PTBP1: variants seen among roughly 807,000 people sequenced by gnomAD.
The protein encoded by PTBP1 is polypyrimidine tract binding protein 1, also known as polypyrimidine tract-binding protein 1.
PTBP1 carries 8 observed loss-of-function variants against 59.8 expected under a neutral mutation model. That is an observed-to-expected ratio of 0.13 (90% CI 0.08 to 0.24). The LOEUF is 0.24. Ranked by LOEUF, PTBP1 falls within the 10% of genes least tolerant of loss-of-function variation. The probability of loss-of-function intolerance (pLI) is 1.00; values close to 1 mark genes in which losing one functional copy is unlikely to be tolerated. For missense variants in PTBP1, 686 were observed against 767.0 expected (o/e 0.89, Z 1.25); for synonymous variants, 490 against 320.7 (o/e 1.53, Z -5.64).
chr19:806,647 C>A, intron 10 of PTBP1, 91 bp downstream of exon 10: 1 of 1,294,252 alleles, frequency 7.7e-7, no homozygotes. Context: ...GCAGCGCCGC[C>A]CCTCGCTGTG....
intron 2 of PTBP1, 106 bp downstream of exon 2, chr19:799,549 T>C: frequency 1.8e-6 from 2 of 1,104,040 alleles, no homozygotes; most frequent in Admixed American, 1.7e-5. Context: ...GCTTTTCCAT[T>C]CCTAAGGGGC....
At chr19:801,795 C>T (rs1032616378) in intron 2 of PTBP1, among the ~76,000 whole-genome samples, 8 of 152,200 alleles carry the variant, frequency 5.3e-5, no homozygotes, top group South Asian at 2.1e-4. Context: ...TTTCTGATCG[C>T]GTGGTTTCCA....
intron 13 of PTBP1, among the ~76,000 whole-genome samples, chr19:810,022 A>G (rs972734937): frequency 6.6e-6 from 1 of 152,184 alleles, no homozygotes; most frequent in Non-Finnish European, 1.5e-5. Flanking sequence ...AAAATCAACA[A>G]GGGGCCTGGC....
Position 804,564 on chromosome 19 carries a change from G to C in PTBP1, c.468G>C (p.Ser156=), listed in dbSNP as rs138794851. The change falls in exon 6 of 15, where the codon TCG becomes TCC. Residue 156 remains serine (S), a synonymous_variant. Coordinates refer to ENST00000356948, the MANE Select transcript of PTBP1 (RefSeq NM_002819.5). ...AGGCGGCCCTGCAGGCGGTGAACTC[G>C]GTCCAGTCGGGGAACCTGGCCTTGG... ...RAQAALQAVN[S]VQSGNLALAA... is the part of the protein sequence containing the mutation. 2 of 1,608,266 alleles carry C rather than the reference G, an allele frequency of 1.2e-6. No individual in the cohort carries two copies. Among genetic ancestry groups the C allele is most frequent in the Non-Finnish European group, 1.7e-6 (2 of 1,178,822 alleles).
chr19:803,091 G>A (rs1378234242), intron 2 of PTBP1, among the ~76,000 whole-genome samples: 1 of 152,172 alleles, frequency 6.6e-6, no homozygotes, highest in Non-Finnish European at 1.5e-5. Context: ...TGGTTCTCTT[G>A]CGAGGCCACC....
At position 812,001 on chromosome 19, in the gene PTBP1, G is replaced by A. The variant is rs961076288; in HGVS notation, c.*1175G>A. ...CCTAGGATCCCCTTTCCGTAAAAGC[G>A]TGTAACAAGGGTGTAAATATTTATA... On this transcript the variant is annotated 3_prime_UTR_variant, in exon 15 of 15. Coordinates refer to ENST00000356948, the MANE Select transcript of PTBP1 (RefSeq NM_002819.5). The A allele has an allele frequency of 1.7e-4, 26 of 152,360 alleles. No homozygotes were observed. Among genetic ancestry groups the A allele is most frequent in the African/African-American group, 6.0e-4 (25 of 41,416 alleles). 9.4% of individuals were successfully genotyped at this position (152,360 alleles called of 1,614,324 possible).
At chr19:806,061 G>C (rs1300454820) in intron 9 of PTBP1, 2 of 269,636 alleles carry the variant, frequency 7.4e-6, no homozygotes, top group Non-Finnish European at 1.4e-5. Flanking sequence ...TCTGCATGGA[G>C]GCATGGGCGC....
At chr19:798,363 C>T (rs1325521747) in intron 1 of PTBP1, 1 of 152,246 alleles carries the variant, frequency 6.6e-6, no homozygotes, top group African/African-American at 2.4e-5. Context: ...TGCGCGAGGC[C>T]CTCCCTGGGA....
rs933904973 is a variant in PTBP1, at chr19:806,186, G to A, written c.971-222G>A. On this transcript the variant is annotated intron_variant, in intron 9 of 14. Transcript: ENST00000356948. ...GGCGCATGCAGATGAGCCCAGGCCC[G>A]GCCCGGCCCGTGCTGTGAGGAGAGG... is the stretch of plus-strand genomic sequence containing the variant. 43 of 481,532 alleles carry A rather than the reference G, an allele frequency of 8.9e-5. No homozygotes were observed. In the Middle Eastern group the frequency reaches 2.1e-3, roughly 24 times the overall value. The allele number at this position is 481,532 out of a possible 1,614,324, so 29.8% of individuals were successfully genotyped here.
Position 804,711 on chromosome 19 carries a change from G to C in PTBP1, c.606+9G>C, listed in dbSNP as rs2034485185. 1 of 1,610,832 alleles carries C rather than the reference G, an allele frequency of 6.2e-7. No individual in the cohort carries two copies. Among genetic ancestry groups the C allele is most frequent in the East Asian group, 2.2e-5 (1 of 44,806 alleles). On this transcript the variant is annotated intron_variant, in intron 6 of 14. Coordinates refer to ENST00000356948, the MANE Select transcript of PTBP1 (RefSeq NM_002819.5). The stretch of plus-strand genomic sequence containing the variant: ...TGGATGTGCTGCACCAGGTGAGGTG[G>C]TCCCATCACCGCCAGGGCAGGTCGG...
intron 2 of PTBP1, among the ~76,000 whole-genome samples, chr19:801,849 G>T (rs959291188): frequency 6.6e-6 from 1 of 152,148 alleles, no homozygotes; most frequent in Non-Finnish European, 1.5e-5. Context: ...GGCCTGCGCA[G>T]CCCCGCCTTG....
At chr19:805,263 C>T (rs1002737027) in intron 8 of PTBP1, 76 bp downstream of exon 8, 15 of 1,524,042 alleles carry the variant, frequency 9.8e-6, no homozygotes, top group South Asian at 2.4e-5. Flanking sequence ...CCCGGCGGCA[C>T]GGGCCCGGCC....
chr19:800,498 G>T (rs2034285055), intron 2 of PTBP1, among the ~76,000 whole-genome samples: 1 of 152,156 alleles, frequency 6.6e-6, no homozygotes, highest in Non-Finnish European at 1.5e-5. Flanking sequence ...GTCATTGTGG[G>T]TTGAGGGGGC....
In PTBP1 at chr19:804,395, C is replaced by G; in HGVS notation, c.392C>G (p.Ser131Cys). The change falls in exon 5 of 15, where the codon TCC becomes TGC. Residue 131 changes from serine (S) to cysteine (C), a missense_variant. Coordinates refer to ENST00000356948, the MANE Select transcript of PTBP1 (RefSeq NM_002819.5). ...GGCCAGCCCATCTACATCCAGTTCT[C>G]CAACCACAAGGAGCTGAAGACCGAC... The part of the protein sequence containing the change: ...LRGQPIYIQF[S>C]NHKELKTDSS... 1 of 1,612,764 alleles carries G rather than the reference C, an allele frequency of 6.2e-7. No homozygotes were observed.
At position 811,706 on chromosome 19, in the gene PTBP1, GGTCC is replaced by G. The variant is rs2034883659; in HGVS notation, c.*881_*884del. ...CAGTGGGTCAGGCACAGGGAGCCCC[GGTCC>G]TATCTTAGAGCCCCTGAGCTTCAGG... On this transcript the variant is annotated 3_prime_UTR_variant, in exon 15 of 15. Transcript: ENST00000356948. 6.6e-6 allele frequency: 1 copy of G among 152,402 alleles called. No homozygotes were observed. Among genetic ancestry groups the G allele is most frequent in the Non-Finnish European group, 1.5e-5 (1 of 68,046 alleles). The allele number at this position is 152,402 out of a possible 1,614,324, so 9.4% of individuals were successfully genotyped here. A position where few individuals can be genotyped will look rare whatever the true frequency, so the allele number is the denominator to read the frequency against.
At chr19:799,071 C>T (rs2034210727) in intron 1 of PTBP1, among the ~76,000 whole-genome samples, 1 of 152,236 alleles carries the variant, frequency 6.6e-6, no homozygotes, top group Non-Finnish European at 1.5e-5. Flanking sequence ...CACAGCAGCC[C>T]TTGAACCCTC....
intron 1 of PTBP1, chr19:798,482 CTG>C (rs2034181380): frequency 6.6e-6 from 1 of 152,308 alleles, no homozygotes; most frequent in Non-Finnish European, 1.5e-5. Context: ...TCCGTGCAGT[CTG>C]TGGTGTCAGA....
chr19:803,641 G>A lies in PTBP1; in HGVS notation c.115+5G>A. The A allele has an allele frequency of 1.2e-6, 2 of 1,613,848 alleles. No individual in the cohort carries two copies. The highest frequency in any genetic ancestry group is 1.7e-6 in the Non-Finnish European group (2 of 1,179,732). On this transcript the variant is annotated splice_donor_5th_base_variant and intron_variant, in intron 3 of 14. Transcript: ENST00000356948. The stretch of plus-strand genomic sequence containing the variant: ...GCAGCAACTCGGCTTCTGCAGGTAA[G>A]GCCGGGACTCGGCCCAGGGCAAGAC...
chr19:804,734 C>T (rs781289289), intron 6 of PTBP1, 32 bp downstream of exon 6: 94 of 1,609,410 alleles, frequency 5.8e-5, no homozygotes, highest in Non-Finnish European at 6.7e-5. Flanking sequence ...CAGGGCAGGT[C>T]GGCTGCTATT....
Sources: allele counts gnomAD v4.1 joint callset (sites outside exome capture counted in the v4.1 genomes callset), GRCh38; gene constraint gnomAD v4.1.1; transcripts MANE v1.5; gene names NCBI Gene and HGNC (gene_info 2026-07-23, HGNC 2026-07-21).